MAGI2: variants seen among roughly 807,000 people sequenced by gnomAD.
MAGI2 encodes membrane-associated guanylate kinase, WW and PDZ domain-containing protein 2.
MAGI2 carries 35 observed loss-of-function variants against 133.3 expected under a neutral mutation model. The observed-to-expected ratio is 0.26, with a 90% confidence interval of 0.20 to 0.35. The LOEUF (loss-of-function observed/expected upper bound fraction) is 0.35. Among genes scored for constraint, MAGI2 ranks in the 10% least tolerant of loss-of-function variants. The probability of loss-of-function intolerance (pLI) is 1.00; values close to 1 mark genes in which losing one functional copy is unlikely to be tolerated. For synonymous variants in MAGI2, 729 were observed against 710.6 expected, an observed-to-expected ratio of 1.03 and a Z score of -0.41; for missense variants, 1,636 against 1,863.4, an observed-to-expected ratio of 0.88 and a Z score of 2.25.
chr7:79,242,684 GT>G (rs1259894527), intron 1 of MAGI2, among the ~76,000 whole-genome samples: 4 of 152,162 alleles, frequency 2.6e-5, no homozygotes, highest in African/African-American at 4.8e-5. Context: ...TGGTTTCCAT[GT>G]TGTTGAATTG....
intron 2 of MAGI2, among the ~76,000 whole-genome samples, chr7:78,695,615 C>G (rs1332262194): frequency 6.6e-6 from 1 of 152,112 alleles, no homozygotes; most frequent in Non-Finnish European, 1.5e-5. Flanking sequence ...TGAATCTCAG[C>G]AGAGTTTAAT....
rs559326044 is a variant in MAGI2, at chr7:79,117,188, C to T, written c.302-109982G>A. On this transcript the variant is annotated intron_variant, in intron 1 of 21. Coordinates refer to ENST00000354212, the MANE Select transcript of MAGI2 (RefSeq NM_012301.4). ...AGTGTTTAATGGAAATTTAAATTTTCCTTCAACTAATAGATAGTTGTTAAA... is the reference window on the plus strand; with the variant it reads ...AGTGTTTAATGGAAATTTAAATTTTTCTTCAACTAATAGATAGTTGTTAAA... Among the ~76,000 whole-genome samples the T allele has an allele frequency of 5.3e-5, 8 of 152,198 alleles. No individual in the cohort carries two copies. The South Asian group carries it at 1.7e-3, about 32-fold the overall frequency.
chr7:78,716,172 A>T (rs1328989899), intron 2 of MAGI2, among the ~76,000 whole-genome samples: 1 of 152,228 alleles, frequency 6.6e-6, no homozygotes, highest in East Asian at 1.9e-4. Context: ...GGAATTTCTA[A>T]GCTCTGGTCT....
intron 1 of MAGI2, among the ~76,000 whole-genome samples, chr7:79,235,961 T>C (rs1831890712): frequency 6.6e-6 from 1 of 152,226 alleles, no homozygotes; most frequent in South Asian, 2.1e-4. Context: ...TATGCATTTC[T>C]ACTTAATTTG....
intron 2 of MAGI2, among the ~76,000 whole-genome samples, chr7:78,978,670 A>T (rs2116130400): frequency 6.6e-6 from 1 of 151,994 alleles, no homozygotes; most frequent in Admixed American, 6.6e-5. Context: ...AGGTCAGAGG[A>T]TCATAGGACT....
intron 3 of MAGI2, among the ~76,000 whole-genome samples, chr7:78,610,489 G>T (rs549188435): frequency 6.6e-6 from 1 of 152,206 alleles, no homozygotes; most frequent in Non-Finnish European, 1.5e-5. Context: ...GCTTTCCAAC[G>T]TGTGCTCCAG....
chr7:79,033,498 A>G (rs1174019052), intron 1 of MAGI2, among the ~76,000 whole-genome samples: 2 of 152,028 alleles, frequency 1.3e-5, no homozygotes, highest in Non-Finnish European at 2.9e-5. Context: ...ACTTTAATCT[A>G]TACCTTATGG....
intron 3 of MAGI2, among the ~76,000 whole-genome samples, chr7:78,592,066 G>C (rs141299924): frequency 0.017 from 2,637 of 152,316 alleles, 33 homozygotes; most frequent in Non-Finnish European, 0.025. Context: ...AGGTGACTCA[G>C]AGGATTAGTC....
chr7:79,329,450 T>C (rs941837448), intron 1 of MAGI2, among the ~76,000 whole-genome samples: 1 of 152,260 alleles, frequency 6.6e-6, no homozygotes, highest in Non-Finnish European at 1.5e-5. Context: ...AGTATATGTG[T>C]ATAATATTTA....
At chr7:78,615,570 T>C (rs1266699331) in intron 3 of MAGI2, 1 of 152,206 alleles carries the variant, frequency 6.6e-6, no homozygotes, top group Non-Finnish European at 1.5e-5. Context: ...ACAGATCCCT[T>C]TGGGAAATGG....
chr7:78,983,958 C>T (rs112618484), intron 2 of MAGI2, among the ~76,000 whole-genome samples: 7 of 152,020 alleles, frequency 4.6e-5, no homozygotes, highest in African/African-American at 1.7e-4. Flanking sequence ...GATTTATAGC[C>T]TAATGCCTAT....
intron 1 of MAGI2, among the ~76,000 whole-genome samples, chr7:79,253,871 T>G (rs190841793): frequency 2.6e-4 from 40 of 152,320 alleles, no homozygotes; most frequent in African/African-American, 8.4e-4. Context: ...AATAGAATAA[T>G]GTACACATAT....
intron 2 of MAGI2, among the ~76,000 whole-genome samples, chr7:78,962,957 T>C (rs769035104): frequency 3.3e-5 from 5 of 152,138 alleles, no homozygotes; most frequent in Non-Finnish European, 7.4e-5. Flanking sequence ...TTTAAGTCTT[T>C]AGTTCCCTAG....
At chr7:78,752,384 C>A (rs933544743) in intron 2 of MAGI2, among the ~76,000 whole-genome samples, 2 of 152,110 alleles carry the variant, frequency 1.3e-5, no homozygotes, top group Non-Finnish European at 2.9e-5. Context: ...AGGTGGATCA[C>A]CTGAGGTCAG....
At position 78,019,995 on chromosome 7, in the gene MAGI2, G is replaced by A. The variant is rs886814088; in HGVS notation, c.3707-19C>T. ...GGTTCGTCTGTGGACGGGAAGCACA[G>A]GCGTTAGCAGTGGCGCACGCAGGAC... On this transcript the variant is annotated intron_variant, in intron 21 of 21. Coordinates refer to ENST00000354212, the MANE Select transcript of MAGI2 (RefSeq NM_012301.4). 6 of 1,583,818 alleles carry A rather than the reference G, an allele frequency of 3.8e-6. No homozygotes were observed. The Admixed American group carries it at 9.1e-5, about 24-fold the overall frequency.
rs190513525 is a variant in MAGI2 at position 78,018,744 on chromosome 7, G to C, written c.*571C>G. On this transcript the variant is annotated 3_prime_UTR_variant, in exon 22 of 22. Coordinates refer to ENST00000354212, the MANE Select transcript of MAGI2 (RefSeq NM_012301.4). Reference sequence around the variant, plus strand: ...GCTAACACCGAGGATGGATGCCAAGGGTGAGCCATGGAAACATGTCATGGG... The same window carrying C: ...GCTAACACCGAGGATGGATGCCAAGCGTGAGCCATGGAAACATGTCATGGG... The C allele has an allele frequency of 2.7e-4, 42 of 157,908 alleles. No individual in the cohort carries two copies. The East Asian group carries it at 7.5e-3, about 28-fold the overall frequency. 9.8% of individuals were successfully genotyped at this position (157,908 alleles called of 1,614,324 possible).
intron 10 of MAGI2, among the ~76,000 whole-genome samples, chr7:78,235,002 A>C (rs139603189): frequency 1.2e-3 from 187 of 152,280 alleles, no homozygotes; most frequent in Admixed American, 2.4e-3. Flanking sequence ...AATTTATAGA[A>C]CCAGGGGAAT....
intron 2 of MAGI2, among the ~76,000 whole-genome samples, chr7:78,901,847 A>T (rs1378820148): frequency 6.6e-6 from 1 of 152,200 alleles, no homozygotes; most frequent in Non-Finnish European, 1.5e-5. Flanking sequence ...TTATTGCCAG[A>T]GGATATGTAT....
intron 6 of MAGI2, chr7:78,487,513 G>A (rs1207696504): frequency 6.6e-6 from 1 of 152,134 alleles, no homozygotes; most frequent in African/African-American, 2.4e-5. Context: ...TTTGCACAGT[G>A]AGCGCAAAGA....
Sources: gnomAD v4.1 joint callset for allele counts (sites outside exome capture counted in the v4.1 genomes callset) on GRCh38, gnomAD v4.1.1 for gene constraint, MANE v1.5 for transcripts, NCBI Gene and HGNC (gene_info 2026-07-23, HGNC 2026-07-21) for gene names.